LPP: variants seen among roughly 807,000 people sequenced by gnomAD.
The protein encoded by LPP is LIM domain containing preferred translocation partner in lipoma.
LPP carries 38 observed loss-of-function variants against 60.4 expected under a neutral mutation model. The ratio of observed to expected loss-of-function variants is 0.63; its 90% CI spans 0.49 to 0.83. LPP has a LOEUF of 0.83. LPP is among the 40% of genes least tolerant of loss of function. The probability of loss-of-function intolerance (pLI) is 0.00; values close to 1 mark genes in which losing one functional copy is unlikely to be tolerated. For missense variants in LPP, 902 were observed against 783.6 expected, an observed-to-expected ratio of 1.15 and a Z score of -1.80; for synonymous variants, 328 against 290.8, an observed-to-expected ratio of 1.13 and a Z score of -1.30.
At chr3:188,422,595 T>G (rs547119913) in intron 4 of LPP, among the ~76,000 whole-genome samples, 108 of 152,184 alleles carry the variant, frequency 7.1e-4, no homozygotes, top group South Asian at 1.7e-3. Flanking sequence ...GTTTTCTGGT[T>G]TTTACAAAAA....
intron 2 of LPP, among the ~76,000 whole-genome samples, chr3:188,309,013 C>CTTTTCT (rs1752511574): frequency 8.9e-6 from 1 of 112,606 alleles, no homozygotes; most frequent in Admixed American, 9.3e-5. Context: ...TCTTCTTTTT[C>CTTTTCT]TTCTTCTTCT....
intron 2 of LPP, among the ~76,000 whole-genome samples, chr3:188,273,589 C>CTTTTTTTTTTTTTTTTTT (rs11380757): frequency 1.2e-5 from 1 of 80,422 alleles, no homozygotes; most frequent in Non-Finnish European, 2.2e-5. Context: ...TATTTTATAT[C>CTTTTTTTTTTTTTTTTTT]TTTTTTTTTT....
At chr3:188,432,292 T>C (rs1791091209) in intron 4 of LPP, among the ~76,000 whole-genome samples, 1 of 152,168 alleles carries the variant, frequency 6.6e-6, no homozygotes, top group African/African-American at 2.4e-5. Context: ...TATACAAAAA[T>C]ATTTGTTAAA....
chr3:188,455,417 A>G (rs1797513325), intron 4 of LPP, among the ~76,000 whole-genome samples: 1 of 152,238 alleles, frequency 6.6e-6, no homozygotes, highest in African/African-American at 2.4e-5. Flanking sequence ...GAGGTTTTAC[A>G]CATCCCTGAT....
intron 7 of LPP, among the ~76,000 whole-genome samples, chr3:188,619,674 A>G (rs1388938769): frequency 6.6e-6 from 1 of 152,248 alleles, no homozygotes; most frequent in Non-Finnish European, 1.5e-5. Context: ...CATTTTCTGT[A>G]TATCATTTTA....
intron 8 of LPP, among the ~76,000 whole-genome samples, chr3:188,750,951 G>A (rs188382440): frequency 6.6e-6 from 1 of 152,200 alleles, no homozygotes; most frequent in African/African-American, 2.4e-5. Context: ...AGTTCTGTAG[G>A]CCTCTAAGCC....
chr3:188,519,453 A>C (rs939657995), intron 5 of LPP, among the ~76,000 whole-genome samples: 2 of 152,236 alleles, frequency 1.3e-5, no homozygotes, highest in Non-Finnish European at 2.9e-5. Flanking sequence ...ATTAAAAGAG[A>C]ATAAAAAGAC....
At position 188,872,780 on chromosome 3, in the gene LPP, T is replaced by G. The variant is rs762972367; in HGVS notation, c.1710+17T>G. 35 of 1,612,974 alleles carry G rather than the reference T, an allele frequency of 2.2e-5. No individual in the cohort carries two copies. Among genetic ancestry groups the G allele is most frequent in the Non-Finnish European group, 2.8e-5 (33 of 1,179,794 alleles). The stretch of plus-strand genomic sequence containing the variant: ...CGATGCGAGGTCTGGTTGACAGCCC[T>G]GCCCTGCCAGTCTGTGGCAGGCGTT... On this transcript the variant is annotated intron_variant, in intron 11 of 11. Coordinates refer to ENST00000617246, the MANE Select transcript of LPP (RefSeq NM_001375462.1).
At chr3:188,187,672 T>TA (rs1371762324) in intron 1 of LPP, among the ~76,000 whole-genome samples, 1 of 152,070 alleles carries the variant, frequency 6.6e-6, no homozygotes, top group Non-Finnish European at 1.5e-5. Context: ...TATAATTTCT[T>TA]ACGCAGTTTC....
At chr3:188,261,757 A>T (rs201824341) in intron 2 of LPP, among the ~76,000 whole-genome samples, 8,317 of 143,292 alleles carry the variant, frequency 0.058, 382 homozygotes, top group African/African-American at 0.14. Context: ...AAAAAAAAAA[A>T]ATATATATTA....
rs140568022 is a variant in LPP, at chr3:188,773,490, A to G, written c.1410+13208A>G. Among the ~76,000 whole-genome samples, 654 of 152,282 alleles carry G rather than the reference A, an allele frequency of 4.3e-3. 5 individuals are homozygous for G. Among genetic ancestry groups the G allele is most frequent in the African/African-American group, 0.015 (617 of 41,570 alleles). ...GGCTGCACTGAGGACTATTTAAGCA[A>G]CCTTAAAATCACAAACACACATCTG... On this transcript the variant is annotated intron_variant, in intron 9 of 11. Coordinates refer to ENST00000617246, the MANE Select transcript of LPP (RefSeq NM_001375462.1).
At chr3:188,223,184 A>G (rs1172991722) in intron 1 of LPP, among the ~76,000 whole-genome samples, 2 of 152,102 alleles carry the variant, frequency 1.3e-5, no homozygotes, top group East Asian at 3.9e-4. Context: ...TGGTGTCAAA[A>G]CCATCAATTT....
At chr3:188,250,332 T>A (rs1728688568) in intron 2 of LPP, among the ~76,000 whole-genome samples, 1 of 152,184 alleles carries the variant, frequency 6.6e-6, no homozygotes, top group African/African-American at 2.4e-5. Flanking sequence ...CAATTATGCA[T>A]TCCCTGAAGG....
Position 188,470,608 on chromosome 3 carries a change from T to C in LPP, c.194-13984T>C, listed in dbSNP as rs949270583. 2.6e-5 allele frequency among the ~76,000 whole-genome samples: 4 copies of C among 152,186 alleles called. No individual in the cohort carries two copies. In the East Asian group the frequency reaches 7.7e-4, roughly 29 times the overall value. The stretch of plus-strand genomic sequence containing the variant: ...CATGAATATTCCACAAGATCCACCT[T>C]GATAATGCTCTAAAGTTACTATAGA... On this transcript the variant is annotated intron_variant, in intron 4 of 11. Coordinates refer to ENST00000617246, the MANE Select transcript of LPP (RefSeq NM_001375462.1).
At chr3:188,789,398 C>T (rs1223211681) in intron 9 of LPP, among the ~76,000 whole-genome samples, 1 of 152,202 alleles carries the variant, frequency 6.6e-6, no homozygotes, top group African/African-American at 2.4e-5. Flanking sequence ...GAGCAGCTGA[C>T]TAAGCCTGTA....
At chr3:188,848,283 C>T (rs937052621) in intron 9 of LPP, among the ~76,000 whole-genome samples, 1 of 152,092 alleles carries the variant, frequency 6.6e-6, no homozygotes, top group African/African-American at 2.4e-5. Flanking sequence ...TATGAGTCTC[C>T]GGGTAGAGCT....
intron 5 of LPP, among the ~76,000 whole-genome samples, chr3:188,504,241 T>G (rs1579428979): frequency 1.3e-5 from 2 of 152,162 alleles, no homozygotes; most frequent in Non-Finnish European, 2.9e-5. Context: ...TCTAGTGAAT[T>G]TTTTATTTCA....
Position 188,882,947 on chromosome 3 carries a change from C to T in LPP, c.*8468C>T, listed in dbSNP as rs1770225028. On this transcript the variant is annotated 3_prime_UTR_variant, in exon 12 of 12. Coordinates refer to ENST00000617246, the MANE Select transcript of LPP (RefSeq NM_001375462.1). The stretch of plus-strand genomic sequence containing the variant: ...AGTAGAGACGGGGTTTCACCGTGGT[C>T]TCGATCTCCTGACCTCGTGATCCGC... The T allele has an allele frequency of 1.1e-5, 2 of 184,148 alleles. No individual in the cohort carries two copies. The highest frequency in any genetic ancestry group is 6.2e-5 in the Admixed American group (1 of 16,002). The allele number at this position is 184,148 out of a possible 1,614,324, so 11.4% of individuals were successfully genotyped here. A position where few individuals can be genotyped will look rare whatever the true frequency, so the allele number is the denominator to read the frequency against.
At chr3:188,829,441 CT>C (rs1756543052) in intron 9 of LPP, among the ~76,000 whole-genome samples, 2 of 152,164 alleles carry the variant, frequency 1.3e-5, no homozygotes, top group Non-Finnish European at 2.9e-5. Flanking sequence ...CACTCACCTC[CT>C]AAAACCTCTA....
Sources: allele counts gnomAD v4.1 joint callset (sites outside exome capture counted in the v4.1 genomes callset), GRCh38; gene constraint gnomAD v4.1.1; transcripts MANE v1.5; gene names NCBI Gene and HGNC (gene_info 2026-07-23, HGNC 2026-07-21).